Variants in PTPRD observed in about 807,000 individuals in gnomAD.
The protein encoded by PTPRD is protein tyrosine phosphatase receptor type D, also known as receptor-type tyrosine-protein phosphatase delta.
A neutral mutation model predicts 214.5 loss-of-function variants in PTPRD; 34 were observed. The observed-to-expected ratio is 0.16, with a 90% CI of 0.12 to 0.21. The LOEUF (loss-of-function observed/expected upper bound fraction) is 0.21. PTPRD is among the 10% of genes least tolerant of loss of function. PTPRD has a pLI of 1.00. For synonymous variants in PTPRD, 1,128 were observed against 845.7 expected (o/e 1.33, Z -5.79); for missense variants, 2,545 against 2,398.7 (o/e 1.06, Z -1.27).
intron 7 of PTPRD, among the ~76,000 whole-genome samples, chr9:9,614,857 T>C (rs1049304758): frequency 9.8e-5 from 15 of 152,312 alleles, no homozygotes; most frequent in African/African-American, 2.9e-4. Context: ...TCGTTAGGCA[T>C]ATCTGCTGTG....
intron 11 of PTPRD, among the ~76,000 whole-genome samples, chr9:8,960,177 T>A (rs1282446909): frequency 6.6e-6 from 1 of 152,062 alleles, no homozygotes. Context: ...ATGGTGATAG[T>A]ATTAGTTCTA....
chr9:10,243,217 C>G (rs1480352241), intron 3 of PTPRD, among the ~76,000 whole-genome samples: 1 of 151,914 alleles, frequency 6.6e-6, no homozygotes, highest in Non-Finnish European at 1.5e-5. Context: ...TGCTTTGAGA[C>G]TAAATTTCCT....
chr9:8,594,023 T>A (rs909834948), intron 14 of PTPRD, among the ~76,000 whole-genome samples: 1 of 152,196 alleles, frequency 6.6e-6, no homozygotes, highest in African/African-American at 2.4e-5. Context: ...GATAGGGACT[T>A]CTCTAGATCC....
intron 6 of PTPRD, among the ~76,000 whole-genome samples, chr9:9,749,879 T>C (rs1048265930): frequency 6.6e-6 from 1 of 152,150 alleles, no homozygotes; most frequent in African/African-American, 2.4e-5. Context: ...TAAGTTGAAG[T>C]TGGATTTAGC....
At chr9:10,275,464 T>A (rs1047634552) in intron 3 of PTPRD, among the ~76,000 whole-genome samples, 1 of 152,128 alleles carries the variant, frequency 6.6e-6, no homozygotes, top group Non-Finnish European at 1.5e-5. Flanking sequence ...GATGTACTTA[T>A]AAATTTATTT....
At chr9:9,627,854 G>A (rs1005271570) in intron 7 of PTPRD, among the ~76,000 whole-genome samples, 1 of 152,162 alleles carries the variant, frequency 6.6e-6, no homozygotes, top group African/African-American at 2.4e-5. Flanking sequence ...GCTAGGTGCT[G>A]AGAAACAGCA....
chr9:10,380,351 A>G (rs2097795517), intron 2 of PTPRD, among the ~76,000 whole-genome samples: 1 of 152,132 alleles, frequency 6.6e-6, no homozygotes, highest in African/African-American at 2.4e-5. Context: ...TTATGGGTCA[A>G]TACAAATCTT....
In PTPRD at chr9:8,376,202, C is replaced by A. The variant is rs192786546; in HGVS notation, c.4507-112G>T. 7 of 1,227,662 alleles carry A rather than the reference C, an allele frequency of 5.7e-6. No individual in the cohort carries two copies. In the Admixed American group the frequency reaches 1.5e-4, roughly 27 times the overall value. 76.0% of individuals were successfully genotyped at this position (1,227,662 alleles called of 1,614,324 possible). A position where few individuals can be genotyped will look rare whatever the true frequency, so the allele number is the denominator to read the frequency against. On this transcript the variant is annotated intron_variant, in intron 38 of 45. Transcript: ENST00000381196. ...GTGCTATTTTAATTCCTTTCTACCA[C>A]CCTGTAGCCTTTGGGAAGACACACT...
chr9:9,002,677 C>T (rs542278643), intron 11 of PTPRD, among the ~76,000 whole-genome samples: 167 of 151,912 alleles, frequency 1.1e-3, no homozygotes, highest in Non-Finnish European at 2.1e-3. Context: ...TACTTTTTGG[C>T]CTCAATCTGG....
rs967756905 is a variant in PTPRD at position 10,363,744 on chromosome 9, C to A, written c.-599-22727G>T. On this transcript the variant is annotated intron_variant, in intron 2 of 45. Coordinates refer to ENST00000381196, the MANE Select transcript of PTPRD (RefSeq NM_002839.4). ...ATAGATAACCATTGTCCAAATAAAC[C>A]AATAAAATGTGACCCCTTATGGGTT... Among the ~76,000 whole-genome samples, 10 of 151,936 alleles carry A rather than the reference C, an allele frequency of 6.6e-5. No homozygotes were observed. The East Asian group carries it at 1.9e-3, about 29-fold the overall frequency.
chr9:9,214,136 C>T (rs191908967), intron 9 of PTPRD, among the ~76,000 whole-genome samples: 548 of 152,276 alleles, frequency 3.6e-3, no homozygotes, highest in South Asian at 6.4e-3. Flanking sequence ...CCCCTACTAA[C>T]TAAGGAGAAG....
intron 8 of PTPRD, among the ~76,000 whole-genome samples, chr9:9,427,134 G>A (rs978517262): frequency 2.0e-5 from 3 of 152,132 alleles, no homozygotes; most frequent in African/African-American, 7.2e-5. Context: ...GAGGATGTTT[G>A]AACCCGTTAC....
intron 10 of PTPRD, among the ~76,000 whole-genome samples, chr9:9,151,365 G>T (rs940168097): frequency 6.6e-6 from 1 of 152,182 alleles, no homozygotes; most frequent in African/African-American, 2.4e-5. Context: ...CTGGGTCACA[G>T]ATCACATAAT....
chr9:8,641,441 C>T (rs1311171479), intron 12 of PTPRD, among the ~76,000 whole-genome samples: 1 of 148,606 alleles, frequency 6.7e-6, no homozygotes, highest in African/African-American at 2.6e-5. Context: ...GCTGCCAATG[C>T]TGTACTTTGC....
At chr9:8,773,938 G>A (rs763627908) in intron 11 of PTPRD, among the ~76,000 whole-genome samples, 5 of 151,998 alleles carry the variant, frequency 3.3e-5, no homozygotes, top group Non-Finnish European at 7.4e-5. Context: ...TTCCTTACAT[G>A]ACACACTTCC....
chr9:9,327,326 A>T lies in PTPRD; in HGVS notation c.-203+70123T>A, dbSNP rs75909672. Among the ~76,000 whole-genome samples the T allele has an allele frequency of 3.4e-4, 52 of 152,308 alleles. No individual in the cohort carries two copies. The East Asian group carries it at 0.01, about 29-fold the overall frequency. On this transcript the variant is annotated intron_variant, in intron 9 of 45. Transcript: ENST00000381196. ...TCTAGTCTGTTTTTCTTGATAAGCAATCAAAGTATTAAATATGCTTCCCAT... is the reference window on the plus strand; with the variant it reads ...TCTAGTCTGTTTTTCTTGATAAGCATTCAAAGTATTAAATATGCTTCCCAT...
At chr9:8,596,020 A>T (rs960781238) in intron 14 of PTPRD, among the ~76,000 whole-genome samples, 3 of 152,200 alleles carry the variant, frequency 2.0e-5, no homozygotes, top group Non-Finnish European at 4.4e-5. Flanking sequence ...TTTTCTTAAA[A>T]GCTTCAATAT....
intron 9 of PTPRD, among the ~76,000 whole-genome samples, chr9:9,305,675 T>G (rs2135155212): frequency 6.6e-6 from 1 of 152,076 alleles, no homozygotes; most frequent in East Asian, 1.9e-4. Context: ...GAGGTCATAT[T>G]GAATTAGGAT....
chr9:9,061,692 T>C (rs760082485), intron 10 of PTPRD, among the ~76,000 whole-genome samples: 5 of 152,156 alleles, frequency 3.3e-5, no homozygotes, highest in Non-Finnish European at 5.9e-5. Context: ...ATTTATTAAA[T>C]GAAAATCCTC....
Sources: gnomAD v4.1 joint callset for allele counts (sites outside exome capture counted in the v4.1 genomes callset) on GRCh38, gnomAD v4.1.1 for gene constraint, MANE v1.5 for transcripts, NCBI Gene and HGNC (gene_info 2026-07-23, HGNC 2026-07-21) for gene names.